GTF2IRD1: variants seen among roughly 807,000 people sequenced by gnomAD.
GTF2IRD1 encodes GTF2I repeat domain containing 1.
In GTF2IRD1, 26 loss-of-function variants were observed where a neutral mutation model predicts 113.2. The ratio of observed to expected loss-of-function variants is 0.23; its 90% confidence interval spans 0.17 to 0.32. The LOEUF is 0.32. GTF2IRD1 is among the 10% of genes least tolerant of loss of function. GTF2IRD1 has a pLI of 1.00. For missense variants in GTF2IRD1, 864 were observed against 1,280.8 expected (o/e 0.67, Z 4.97); for synonymous variants, 484 against 529.1 (o/e 0.91, Z 1.17).
chr7:74,472,754 GTAAATAAA>G (rs1301734744), intron 1 of GTF2IRD1, among the ~76,000 whole-genome samples: 2 of 152,106 alleles, frequency 1.3e-5, no homozygotes, highest in Non-Finnish European at 2.9e-5. Flanking sequence ...CTCTGCCTCA[GTAAATAAA>G]TAAATAAATA....
chr7:74,475,484 T>G (rs974386937), intron 1 of GTF2IRD1, among the ~76,000 whole-genome samples: 16 of 152,140 alleles, frequency 1.1e-4, no homozygotes, highest in Non-Finnish European at 2.1e-4. Context: ...TCATGTACGT[T>G]CCTGAGACTA....
At chr7:74,524,935 G>A (rs1268551621) in intron 8 of GTF2IRD1, among the ~76,000 whole-genome samples, 6 of 152,270 alleles carry the variant, frequency 3.9e-5, no homozygotes, top group African/African-American at 1.2e-4. Flanking sequence ...CTACTTGCAG[G>A]CTGAGGTGGG....
At chr7:74,534,028 C>CAA (rs113839129) in intron 9 of GTF2IRD1, among the ~76,000 whole-genome samples, 1 of 117,274 alleles carries the variant, frequency 8.5e-6, no homozygotes. Flanking sequence ...GACCCCAACT[C>CAA]AAAAAAAAAA....
intron 22 of GTF2IRD1, among the ~76,000 whole-genome samples, chr7:74,579,760 T>C (rs1360717616): frequency 1.3e-5 from 2 of 152,142 alleles, no homozygotes; most frequent in Non-Finnish European, 2.9e-5. Flanking sequence ...TCCATTTTTA[T>C]AGAGATGGGA....
intron 1 of GTF2IRD1, among the ~76,000 whole-genome samples, chr7:74,476,242 G>A (rs558742215): frequency 4.6e-5 from 7 of 152,288 alleles, no homozygotes; most frequent in African/African-American, 1.4e-4. Context: ...CAGAGAAGGG[G>A]CTGATGGCAG....
chr7:74,587,905 G>C (rs1339839809), intron 22 of GTF2IRD1, among the ~76,000 whole-genome samples: 9 of 152,006 alleles, frequency 5.9e-5, no homozygotes, highest in African/African-American at 2.2e-4. Flanking sequence ...AGAATGCACG[G>C]CCCCCACACT....
chr7:74,502,932 C>T (rs1301579710), intron 1 of GTF2IRD1, among the ~76,000 whole-genome samples: 2 of 152,162 alleles, frequency 1.3e-5, no homozygotes, highest in Middle Eastern at 3.4e-3. Flanking sequence ...TCTGGGAGGC[C>T]GAGGCGGGCG....
At chr7:74,503,558 G>A (rs10252067) in intron 1 of GTF2IRD1, among the ~76,000 whole-genome samples, 11,863 of 152,132 alleles carry the variant, frequency 0.078, 1,401 homozygotes, top group African/African-American at 0.26. Context: ...AGACCAGTCT[G>A]GCCAACATGG....
At chr7:74,515,231 C>A in intron 3 of GTF2IRD1, 1 of 960,838 alleles carries the variant, frequency 1.0e-6, no homozygotes, top group Non-Finnish European at 1.6e-6. Context: ...GAGGCCCAGC[C>A]CTGGGAACTC....
intron 22 of GTF2IRD1, among the ~76,000 whole-genome samples, chr7:74,566,006 A>AACACACACACACACACACACACAC (rs66556824): frequency 7.0e-6 from 1 of 143,114 alleles, no homozygotes; most frequent in African/African-American, 2.6e-5. Flanking sequence ...AAGACACACA[A>AACACACACACACACACACACACAC]ACACACACAC....
At chr7:74,497,230 C>T (rs1554338315) in intron 1 of GTF2IRD1, among the ~76,000 whole-genome samples, 1 of 152,144 alleles carries the variant, frequency 6.6e-6, no homozygotes, top group Non-Finnish European at 1.5e-5. Flanking sequence ...TGGGTATATA[C>T]CCCAAATCAT....
chr7:74,591,155 C>G (rs1802036027), intron 24 of GTF2IRD1, 138 bp downstream of exon 24: 1 of 491,162 alleles, frequency 2.0e-6, no homozygotes, highest in Non-Finnish European at 3.6e-6. Flanking sequence ...CTGAAACATA[C>G]AACTTCAACA....
intron 10 of GTF2IRD1, among the ~76,000 whole-genome samples, 163 bp from the exon 11 acceptor site, chr7:74,536,004 C>G (rs1798269967): frequency 6.6e-6 from 1 of 152,186 alleles, no homozygotes; most frequent in South Asian, 2.1e-4. Flanking sequence ...TCCCCAGGAC[C>G]CGTTCCTGGC....
At chr7:74,491,169 G>A (rs1375991586) in intron 1 of GTF2IRD1, among the ~76,000 whole-genome samples, 1 of 151,980 alleles carries the variant, frequency 6.6e-6, no homozygotes. Flanking sequence ...AGATGGGCGT[G>A]GTGGCAGGCA....
rs1390364608 is a variant in GTF2IRD1, at chr7:74,591,091, G to A, written c.2591+74G>A. The stretch of plus-strand genomic sequence containing the variant: ...GGAGGGTGAAAGTCAAGGTCACGGT[G>A]GGTCAGCTGGGATCCAGACCCAGGT... On this transcript the variant is annotated intron_variant, in intron 24 of 26. Transcript: ENST00000424337. 7 of 1,026,546 alleles carry A rather than the reference G, an allele frequency of 6.8e-6. No homozygotes were observed. The Admixed American group carries it at 1.2e-4, about 17-fold the overall frequency. The allele number at this position is 1,026,546 out of a possible 1,614,324, so 63.6% of individuals were successfully genotyped here.
At chr7:74,468,790 G>A (rs2116981007) in intron 1 of GTF2IRD1, among the ~76,000 whole-genome samples, 1 of 142,190 alleles carries the variant, frequency 7.0e-6, no homozygotes, top group South Asian at 2.3e-4. Flanking sequence ...TTCCTCATAA[G>A]AAAATATGGA....
chr7:74,528,694 G>A (rs1246665072), intron 8 of GTF2IRD1, among the ~76,000 whole-genome samples: 3 of 143,610 alleles, frequency 2.1e-5, no homozygotes, highest in Admixed American at 1.4e-4. Flanking sequence ...GGGAGGGAGG[G>A]AAGGAAAGAT....
In GTF2IRD1 at chr7:74,552,131, T is replaced by A. The variant is rs1799345077; in HGVS notation, c.1917-3043T>A. Among the ~76,000 whole-genome samples, 6 of 152,080 alleles carry A rather than the reference T, an allele frequency of 3.9e-5. No individual in the cohort carries two copies. The South Asian group carries it at 1.2e-3, about 32-fold the overall frequency. ...CCAGGCGTGTGGCCCACGCCTGTAATCCTAGCATTTTGGGAGGCTGAGGCA... is the reference window on the plus strand; with the variant it reads ...CCAGGCGTGTGGCCCACGCCTGTAAACCTAGCATTTTGGGAGGCTGAGGCA... On this transcript the variant is annotated intron_variant, in intron 17 of 26. Coordinates refer to ENST00000424337, the MANE Select transcript of GTF2IRD1 (RefSeq NM_005685.4).
intron 22 of GTF2IRD1, among the ~76,000 whole-genome samples, chr7:74,589,085 G>A (rs781975504): frequency 3.3e-5 from 5 of 152,172 alleles, no homozygotes; most frequent in African/African-American, 1.2e-4. Flanking sequence ...GCTGGCCACC[G>A]TGGCTCACAT....
Sources: gnomAD v4.1 joint callset for allele counts (sites outside exome capture counted in the v4.1 genomes callset) on GRCh38, gnomAD v4.1.1 for gene constraint, MANE v1.5 for transcripts, NCBI Gene and HGNC (gene_info 2026-07-23, HGNC 2026-07-21) for gene names.